ACTR3B: variants seen among roughly 807,000 people sequenced by gnomAD.
ACTR3B encodes actin related protein 3B.
ACTR3B carries 8 observed loss-of-function variants against 59.0 expected under a neutral mutation model. The observed-to-expected ratio is 0.14, with a 90% CI of 0.08 to 0.24. The LOEUF is 0.24. Ranked by LOEUF, ACTR3B falls within the 10% of genes least tolerant of loss-of-function variation. ACTR3B has a pLI of 1.00. For missense variants in ACTR3B, 245 were observed against 552.3 expected (o/e 0.44, Z 5.58); for synonymous variants, 148 against 197.9 (o/e 0.75, Z 2.12).
At chr7:152,846,485 A>G (rs1285419103) in intron 9 of ACTR3B, among the ~76,000 whole-genome samples, 1 of 134,756 alleles carries the variant, frequency 7.4e-6, no homozygotes, top group African/African-American at 2.9e-5. Context: ...AGTGAGCCCT[A>G]GTGCCCGGGC....
intron 3 of ACTR3B, among the ~76,000 whole-genome samples, chr7:152,801,144 G>A (rs1372498555): frequency 2.6e-5 from 4 of 152,258 alleles, no homozygotes; most frequent in Non-Finnish European, 5.9e-5. Flanking sequence ...CTGTGATGCC[G>A]TCTTGGCTCA....
rs1796456425 is a variant in ACTR3B, at chr7:152,824,972, ATGT to A, written c.859-53_859-51del. On this transcript the variant is annotated intron_variant, in intron 8 of 11. Transcript: ENST00000256001. This position sits in a 1 kb window ranked among gnomAD's most constrained non-coding sequence, Gnocchi z 4.2. ...TTAAAGTTACTTTAAAGAAGTGTGC[ATGT>A]TGTTCTATTTGAGAGAAATGTGTAA... 6.5e-6 allele frequency: 10 copies of A among 1,550,134 alleles called. No individual in the cohort carries two copies. Among genetic ancestry groups the A allele is most frequent in the Non-Finnish European group, 8.8e-6 (10 of 1,132,414 alleles).
chr7:152,765,465 G>T, intron 1 of ACTR3B, among the ~76,000 whole-genome samples: 1 of 137,590 alleles, frequency 7.3e-6, no homozygotes, highest in Admixed American at 7.5e-5. Context: ...GAGATGCATT[G>T]TTACAGGAAG....
At position 152,787,452 on chromosome 7, in the gene ACTR3B, T is replaced by C. The variant is rs535458354; in HGVS notation, c.100+4210T>C. Among the ~76,000 whole-genome samples, 71 of 152,142 alleles carry C rather than the reference T, an allele frequency of 4.7e-4. 1 individual carries two copies. The highest frequency in any genetic ancestry group is 1.5e-3 in the African/African-American group (64 of 41,548). On this transcript the variant is annotated intron_variant, in intron 2 of 11. Coordinates refer to ENST00000256001, the MANE Select transcript of ACTR3B (RefSeq NM_020445.6). ...CATCTAGAAATTTAAAATTTTGATATAGTAATACTTTTCAGTCTTTTTCTT... is the reference window on the plus strand; with the variant it reads ...CATCTAGAAATTTAAAATTTTGATACAGTAATACTTTTCAGTCTTTTTCTT...
At chr7:152,778,699 G>A (rs1402525939) in intron 1 of ACTR3B, among the ~76,000 whole-genome samples, 1 of 151,728 alleles carries the variant, frequency 6.6e-6, no homozygotes, top group Non-Finnish European at 1.5e-5. Context: ...TAGCACTTTG[G>A]GAGGCCAAGG....
At chr7:152,822,274 TGA>T (rs1417241038) in intron 7 of ACTR3B, among the ~76,000 whole-genome samples, 1 of 152,188 alleles carries the variant, frequency 6.6e-6, no homozygotes, top group East Asian at 1.9e-4. Flanking sequence ...TGGAGGTCCT[TGA>T]GAGAGCCATT....
intron 7 of ACTR3B, among the ~76,000 whole-genome samples, chr7:152,822,365 G>A (rs1256614363): frequency 4.6e-5 from 7 of 152,324 alleles, no homozygotes; most frequent in Admixed American, 2.6e-4. Context: ...GGGGTCACCT[G>A]CTGCTATGCG....
intron 5 of ACTR3B, among the ~76,000 whole-genome samples, 199 bp downstream of exon 5, chr7:152,814,844 G>A (rs912674941): frequency 2.6e-5 from 4 of 151,992 alleles, no homozygotes; most frequent in African/African-American, 7.3e-5. Flanking sequence ...CCATTTTTTG[G>A]TATAGACGTC....
chr7:152,799,527 T>G (rs1590292843), intron 2 of ACTR3B, among the ~76,000 whole-genome samples: 1 of 152,076 alleles, frequency 6.6e-6, no homozygotes, highest in Non-Finnish European at 1.5e-5. Flanking sequence ...TATTATTAGT[T>G]ATTGACTTCA....
At chr7:152,828,929 C>T (rs1254191092) in intron 9 of ACTR3B, among the ~76,000 whole-genome samples, 2 of 152,088 alleles carry the variant, frequency 1.3e-5, no homozygotes, top group Admixed American at 6.6e-5. Flanking sequence ...AGGTGCTCGT[C>T]TGGGCCAGTG....
At chr7:152,850,857 G>A (rs529003562) in intron 9 of ACTR3B, among the ~76,000 whole-genome samples, 1 of 152,254 alleles carries the variant, frequency 6.6e-6, no homozygotes, top group African/African-American at 2.4e-5. Flanking sequence ...ACTGGGAGGA[G>A]TGCCTGAAAG....
At chr7:152,852,500 G>A (rs757601219) in intron 10 of ACTR3B, among the ~76,000 whole-genome samples, 2 of 152,192 alleles carry the variant, frequency 1.3e-5, no homozygotes, top group Non-Finnish European at 2.9e-5. Flanking sequence ...GGCCATGCCT[G>A]CCAGCAGTTT....
In ACTR3B at chr7:152,823,478, A is replaced by G; in HGVS notation, c.821A>G (p.Glu274Gly). The G allele has an allele frequency of 6.2e-7, 1 of 1,614,194 alleles. No homozygotes were observed. Among genetic ancestry groups the G allele is most frequent in the Admixed American group, 1.7e-5 (1 of 60,018 alleles). The change falls in exon 8 of 12, where the codon GAA becomes GGA. Residue 274 changes from glutamate (E) to glycine (G), a missense_variant. Transcript: ENST00000256001. ...AAGTTTGTTATAGACGTTGGTTACG[A>G]AAGATTCCTGGGACCTGAAATATTC... ...QKKFVIDVGY[E>G]RFLGPEIFFH...
At chr7:152,786,826 G>A (rs1405607088) in intron 2 of ACTR3B, among the ~76,000 whole-genome samples, 1 of 151,932 alleles carries the variant, frequency 6.6e-6, no homozygotes, top group African/African-American at 2.4e-5. Context: ...TTTCCAATAT[G>A]GTATCACACT....
chr7:152,781,510 G>C (rs2098154006), intron 1 of ACTR3B, among the ~76,000 whole-genome samples: 2 of 152,140 alleles, frequency 1.3e-5, no homozygotes, highest in South Asian at 4.1e-4. Context: ...GGAACTCATA[G>C]TCTAACAGTG....
intron 2 of ACTR3B, among the ~76,000 whole-genome samples, chr7:152,790,966 C>G (rs1446215439): frequency 6.6e-6 from 1 of 151,686 alleles, no homozygotes; most frequent in Non-Finnish European, 1.5e-5. Context: ...ATCCTATACC[C>G]AAACACAATT....
Position 152,759,882 on chromosome 7 carries a change from C to G in ACTR3B, c.-1C>G, listed in dbSNP as rs1364300907. On this transcript the variant is annotated 5_prime_UTR_variant, in exon 1 of 12. Coordinates refer to ENST00000256001, the MANE Select transcript of ACTR3B (RefSeq NM_020445.6). ...GGGGCCGAGCGCCGCGCGTCCCGAG[C>G]ATGGCAGGCTCCCTGCCTCCCTGCG... 8.9e-6 allele frequency: 12 copies of G among 1,352,194 alleles called. No homozygotes were observed. The highest frequency in any genetic ancestry group is 1.2e-5 in the Non-Finnish European group (12 of 1,042,762). The allele number at this position is 1,352,194 out of a possible 1,614,324, so 83.8% of individuals were successfully genotyped here. A position where few individuals can be genotyped will look rare whatever the true frequency, so the allele number is the denominator to read the frequency against.
intron 2 of ACTR3B, among the ~76,000 whole-genome samples, chr7:152,792,222 C>A (rs2871625): frequency 6.6e-6 from 1 of 152,040 alleles, no homozygotes; most frequent in Non-Finnish European, 1.5e-5. Context: ...AATCTTTCCT[C>A]GATATACATT....
intron 1 of ACTR3B, among the ~76,000 whole-genome samples, chr7:152,771,730 G>A (rs2098124379): frequency 1.3e-5 from 2 of 152,202 alleles, no homozygotes; most frequent in Non-Finnish European, 1.5e-5. Context: ...ACTGTGAACT[G>A]TAAAAAATTC....
Sources: gnomAD v4.1 joint callset for allele counts (sites outside exome capture counted in the v4.1 genomes callset) on GRCh38, gnomAD v4.1.1 for gene constraint, Gnocchi (gnomAD v3.1) non-coding constraint, MANE v1.5 for transcripts, NCBI Gene and HGNC (gene_info 2026-07-23, HGNC 2026-07-21) for gene names.